Variants in DLGAP2 observed in about 807,000 individuals in gnomAD.
The protein encoded by DLGAP2 is DLG associated protein 2.
In DLGAP2, 26 loss-of-function variants were observed where a neutral mutation model predicts 100.3. That is an observed-to-expected ratio of 0.26 (90% CI 0.19 to 0.36). The LOEUF (loss-of-function observed/expected upper bound fraction) is 0.36, where lower values mean the gene tolerates loss of function less well. Ranked by LOEUF, DLGAP2 falls within the 10% of genes least tolerant of loss-of-function variation. DLGAP2 has a pLI of 1.00. For synonymous variants in DLGAP2, 886 were observed against 630.1 expected (o/e 1.41, Z -6.08); for missense variants, 1,858 against 1,453.2 (o/e 1.28, Z -4.53).
chr8:800,948 G>GCC (rs11386625), intron 1 of DLGAP2, among the ~76,000 whole-genome samples: 1,835 of 151,484 alleles, frequency 0.012, 42 homozygotes, highest in African/African-American at 0.042. Flanking sequence ...TGCTTGTTGT[G>GCC]CCCCCCCACC....
chr8:789,854 A>G (rs532870581), intron 1 of DLGAP2, among the ~76,000 whole-genome samples: 5 of 152,176 alleles, frequency 3.3e-5, no homozygotes, highest in Non-Finnish European at 7.3e-5. Flanking sequence ...GACAAGTGGT[A>G]TTGCCCTGTG....
intron 6 of DLGAP2, chr8:1,620,336 C>G (rs1225367627): frequency 6.6e-6 from 1 of 152,206 alleles, no homozygotes; most frequent in East Asian, 1.9e-4. Context: ...ACGCCCCTCT[C>G]ACTTTCCTCC....
intron 3 of DLGAP2, among the ~76,000 whole-genome samples, chr8:1,364,142 C>T (rs935623265): frequency 6.6e-6 from 1 of 152,216 alleles, no homozygotes; most frequent in Non-Finnish European, 1.5e-5. Context: ...GAGCCCGTCT[C>T]CCGTGCCTCC....
intron 6 of DLGAP2, among the ~76,000 whole-genome samples, chr8:1,594,626 G>A (rs979103451): frequency 6.6e-6 from 1 of 152,100 alleles, no homozygotes; most frequent in Non-Finnish European, 1.5e-5. Flanking sequence ...GTTTCACCAT[G>A]TTGGCCAGGC....
intron 2 of DLGAP2, among the ~76,000 whole-genome samples, chr8:1,159,146 A>C (rs1205499372): frequency 1.3e-5 from 2 of 152,224 alleles, no homozygotes; most frequent in South Asian, 2.1e-4. Flanking sequence ...TGATCCTTGG[A>C]AAGATGTCTG....
At chr8:1,204,027 A>G (rs2044924) in intron 2 of DLGAP2, among the ~76,000 whole-genome samples, 86,239 of 152,170 alleles carry the variant, frequency 0.57, 26,832 homozygotes, top group African/African-American at 0.83. Context: ...TTGAAACTTC[A>G]ATGTGCTTAC....
At chr8:1,152,317 A>C (rs1053758349) in intron 2 of DLGAP2, among the ~76,000 whole-genome samples, 5 of 152,260 alleles carry the variant, frequency 3.3e-5, no homozygotes, top group African/African-American at 1.2e-4. Context: ...AACATATGTA[A>C]ATTGTGAGGT....
At chr8:753,854 C>G (rs28663069) in intron 1 of DLGAP2, 42,769 of 152,180 alleles carry the variant, frequency 0.28, 7,636 homozygotes, top group Non-Finnish European at 0.4. Context: ...GTTGAGTGGG[C>G]CGCCGTGGGG....
chr8:823,847 G>A (rs564339768), intron 1 of DLGAP2, among the ~76,000 whole-genome samples: 1 of 152,234 alleles, frequency 6.6e-6, no homozygotes, highest in Non-Finnish European at 1.5e-5. Flanking sequence ...CTGCGGCCTG[G>A]GTCCATCCAC....
intron 5 of DLGAP2, among the ~76,000 whole-genome samples, chr8:1,558,587 C>T (rs1802050926): frequency 6.6e-6 from 1 of 151,558 alleles, no homozygotes; most frequent in South Asian, 2.1e-4. Flanking sequence ...CACACATAGG[C>T]ATGCATGCAC....
At chr8:999,240 G>C (rs4735964) in intron 2 of DLGAP2, among the ~76,000 whole-genome samples, 29,112 of 151,432 alleles carry the variant, frequency 0.19, 2,954 homozygotes, top group Admixed American at 0.25. Context: ...TTTGTCTCCT[G>C]CTTGTTTTCA....
intron 6 of DLGAP2, among the ~76,000 whole-genome samples, chr8:1,584,126 A>G (rs1796039198): frequency 6.6e-6 from 1 of 152,102 alleles, no homozygotes. Context: ...TTGCGCCTTC[A>G]CTGTGAGGCA....
intron 3 of DLGAP2, among the ~76,000 whole-genome samples, chr8:1,324,513 A>G (rs1296456653): frequency 1.3e-5 from 2 of 152,212 alleles, no homozygotes; most frequent in Admixed American, 1.3e-4. Flanking sequence ...TTCCCAGATC[A>G]TCTTACCCAT....
At chr8:846,258 T>C (rs1165011757) in intron 1 of DLGAP2, among the ~76,000 whole-genome samples, 4 of 152,216 alleles carry the variant, frequency 2.6e-5, no homozygotes, top group Non-Finnish European at 5.9e-5. Flanking sequence ...ACTGTAGCTT[T>C]GTGCTATTGA....
At chr8:1,656,479 C>G (rs1798288364) in intron 8 of DLGAP2, among the ~76,000 whole-genome samples, 1 of 152,182 alleles carries the variant, frequency 6.6e-6, no homozygotes, top group South Asian at 2.1e-4. Context: ...GCAGCCACCA[C>G]TGCGTATTTG....
chr8:878,514 A>T (rs887348239), intron 1 of DLGAP2, among the ~76,000 whole-genome samples: 5 of 152,198 alleles, frequency 3.3e-5, no homozygotes, highest in African/African-American at 1.2e-4. Context: ...AAAATGGGTT[A>T]GGATTTCCAT....
At chr8:1,575,497 C>T (rs576628610) in intron 6 of DLGAP2, among the ~76,000 whole-genome samples, 26 of 98,708 alleles carry the variant, frequency 2.6e-4, no homozygotes, top group African/African-American at 7.7e-4. Flanking sequence ...TATTTAAGTT[C>T]TAGGGTACAT....
At chr8:1,111,670 TC>T (rs1469896719) in intron 2 of DLGAP2, among the ~76,000 whole-genome samples, 1 of 152,188 alleles carries the variant, frequency 6.6e-6, no homozygotes, top group Non-Finnish European at 1.5e-5. Flanking sequence ...GTTTTTCTCT[TC>T]CTGGGTTAGT....
intron 2 of DLGAP2, among the ~76,000 whole-genome samples, chr8:1,097,523 G>A (rs1265691031): frequency 3.6e-5 from 5 of 137,756 alleles, no homozygotes; most frequent in East Asian, 2.3e-4. Context: ...CCCCTCCAGC[G>A]TGAGACCCAC....
Sources: gnomAD v4.1 joint callset for allele counts (sites outside exome capture counted in the v4.1 genomes callset) on GRCh38, gnomAD v4.1.1 for gene constraint, MANE v1.5 for transcripts, NCBI Gene and HGNC (gene_info 2026-07-23, HGNC 2026-07-21) for gene names.